The following TENM3 variants were observed in gnomAD, a reference collection of about 807,000 sequenced individuals.
TENM3 encodes teneurin transmembrane protein 3.
In TENM3, 63 loss-of-function variants were observed where a neutral mutation model predicts 255.1. The observed-to-expected ratio is 0.25, with a 90% CI of 0.20 to 0.30. TENM3 has a LOEUF of 0.30. TENM3 is among the 10% of genes least tolerant of loss of function. TENM3 has a pLI of 1.00. For synonymous variants in TENM3, 1,306 were observed against 1,322.3 expected (o/e 0.99, Z 0.27); for missense variants, 2,929 against 3,461.1 (o/e 0.85, Z 3.86).
chr4:182,108,820 T>TAAATG, the TENM3 span, among the ~76,000 whole-genome samples: 1 of 152,238 alleles, frequency 6.6e-6, no homozygotes, highest in Admixed American at 6.5e-5. Flanking sequence ...TCTTTCACTG[T>TAAATG]AAATCATTTT....
chr4:182,070,881 T>C, the TENM3 span, among the ~76,000 whole-genome samples: 1 of 152,166 alleles, frequency 6.6e-6, no homozygotes, highest in African/African-American at 2.4e-5. Context: ...TAACTCCTGG[T>C]TCCTTCAGAG....
In TENM3 at chr4:182,681,919, T is replaced by C. The variant is rs543324786; in HGVS notation, c.1940T>C (p.Met647Thr). Reference protein sequence around the residue: ...GGSNCEILKTMCPDQCSGHGT... With the variant: ...GGSNCEILKTTCPDQCSGHGT... ...AGCAATTGTGAAATACTGAAGACCATGTGTCCAGACCAGTGCTCCGGCCAC... is the reference window on the plus strand; with the variant it reads ...AGCAATTGTGAAATACTGAAGACCACGTGTCCAGACCAGTGCTCCGGCCAC... Residue 647 changes from methionine to threonine, a missense_variant, in exon 11 of 28, where the codon ATG becomes ACG. By Grantham distance (81) the Met-to-Thr change is moderately conservative. Coordinates refer to ENST00000511685, the MANE Select transcript of TENM3 (RefSeq NM_001080477.4). 62 of 1,613,820 alleles carry C rather than the reference T, an allele frequency of 3.8e-5. No homozygotes were observed. Among genetic ancestry groups the C allele is most frequent in the Non-Finnish European group, 4.8e-5 (57 of 1,179,864 alleles).
the TENM3 span, among the ~76,000 whole-genome samples, chr4:181,527,753 T>C: frequency 2.0e-5 from 3 of 152,074 alleles, no homozygotes; most frequent in Non-Finnish European, 4.4e-5. Context: ...ACATTCATAA[T>C]TCTCCCACCA....
chr4:181,529,173 C>CAGCT, the TENM3 span, among the ~76,000 whole-genome samples: 2 of 152,182 alleles, frequency 1.3e-5, no homozygotes, highest in African/African-American at 4.8e-5. Flanking sequence ...CCAGATCTTC[C>CAGCT]AGCTGTTAGT....
the TENM3 span, among the ~76,000 whole-genome samples, chr4:182,105,233 A>G: frequency 6.6e-6 from 1 of 152,094 alleles, no homozygotes; most frequent in African/African-American, 2.4e-5. Flanking sequence ...AATAATGACA[A>G]TGCAGCTTCC....
intron 3 of TENM3, among the ~76,000 whole-genome samples, chr4:182,517,458 G>C (rs913097898): frequency 7.1e-6 from 1 of 140,424 alleles, no homozygotes; most frequent in Admixed American, 7.5e-5. Context: ...ATCTCGGCTC[G>C]CTGCAAGCTC....
intron 1 of TENM3, among the ~76,000 whole-genome samples, chr4:182,154,946 A>T (rs1164079084): frequency 2.0e-5 from 3 of 152,342 alleles, no homozygotes; most frequent in African/African-American, 7.2e-5. Flanking sequence ...TGCACAGCAT[A>T]AGAGTCTGAT....
intron 3 of TENM3, among the ~76,000 whole-genome samples, chr4:182,424,925 T>C (rs911237559): frequency 1.3e-5 from 2 of 152,210 alleles, no homozygotes; most frequent in Admixed American, 1.3e-4. Flanking sequence ...CAATTGAGTA[T>C]AGAACTATTA....
At chr4:181,578,189 C>A in the TENM3 span, among the ~76,000 whole-genome samples, 1 of 151,966 alleles carries the variant, frequency 6.6e-6, no homozygotes, top group Non-Finnish European at 1.5e-5. Flanking sequence ...TAAAGAAAGC[C>A]TTTCTCTGGG....
chr4:182,331,851 A>G (rs1763778111), intron 2 of TENM3, among the ~76,000 whole-genome samples: 1 of 152,204 alleles, frequency 6.6e-6, no homozygotes, highest in Non-Finnish European at 1.5e-5. Context: ...ATAGTAGCTA[A>G]ATTTATAAGC....
the TENM3 span, among the ~76,000 whole-genome samples, chr4:181,520,921 C>A: frequency 6.6e-6 from 1 of 152,290 alleles, no homozygotes. Context: ...ATTATCTGTT[C>A]CACTGATGCC....
the TENM3 span, among the ~76,000 whole-genome samples, chr4:181,766,264 A>G: frequency 2.0e-5 from 3 of 152,208 alleles, no homozygotes; most frequent in South Asian, 2.1e-4. Context: ...AACATAAAGG[A>G]CAGCAAATAA....
the TENM3 span, among the ~76,000 whole-genome samples, chr4:181,956,562 C>T: frequency 6.6e-6 from 1 of 152,128 alleles, no homozygotes; most frequent in Non-Finnish European, 1.5e-5. Context: ...GAAAAGTATC[C>T]AAAGATCAGA....
the TENM3 span, among the ~76,000 whole-genome samples, chr4:181,483,361 T>C: frequency 6.6e-6 from 1 of 152,146 alleles, no homozygotes; most frequent in African/African-American, 2.4e-5. Context: ...ATGATGCTAA[T>C]TGAGCGAACA....
chr4:181,839,266 C>G, the TENM3 span, among the ~76,000 whole-genome samples: 7 of 145,798 alleles, frequency 4.8e-5, no homozygotes, highest in Admixed American at 4.8e-4. Context: ...TCCCACTTAC[C>G]CTTCCCAGAC....
the TENM3 span, among the ~76,000 whole-genome samples, chr4:181,778,552 CTT>C: frequency 1.3e-5 from 2 of 152,044 alleles, no homozygotes; most frequent in African/African-American, 4.8e-5. Context: ...GACTCAGTGT[CTT>C]TATGATGGGA....
the TENM3 span, among the ~76,000 whole-genome samples, chr4:181,948,241 CG>C: frequency 6.6e-6 from 1 of 151,740 alleles, no homozygotes; most frequent in Non-Finnish European, 1.5e-5. Flanking sequence ...ATTTAATTCA[CG>C]GGGGGAAAAA....
chr4:181,854,367 G>A, the TENM3 span, among the ~76,000 whole-genome samples: 2 of 152,176 alleles, frequency 1.3e-5, no homozygotes, highest in Non-Finnish European at 2.9e-5. Context: ...ATCCGAATTA[G>A]TCAGAAGAAC....
chr4:182,258,380 A>G (rs1247940598), intron 1 of TENM3, among the ~76,000 whole-genome samples: 1 of 152,216 alleles, frequency 6.6e-6, no homozygotes, highest in Non-Finnish European at 1.5e-5. Flanking sequence ...GAGAATACTC[A>G]GGGAGAAAAG....
Sources: gnomAD v4.1 joint callset for allele counts (sites outside exome capture counted in the v4.1 genomes callset) on GRCh38, gnomAD v4.1.1 for gene constraint, MANE v1.5 for transcripts, NCBI Gene and HGNC (gene_info 2026-07-23, HGNC 2026-07-21) for gene names.